The following PPL variants were observed in gnomAD, a reference collection of about 807,000 sequenced individuals.
The protein encoded by PPL is 190 kDa paraneoplastic pemphigus antigen.
A neutral mutation model predicts 194.4 loss-of-function variants in PPL; 198 were observed. The ratio of observed to expected loss-of-function variants is 1.02; its 90% confidence interval spans 0.91 to 1.15. The LOEUF (loss-of-function observed/expected upper bound fraction) is 1.15. PPL is among the 50% of genes most tolerant of loss of function. The pLI is 0.00. For synonymous variants in PPL, 1,220 were observed against 972.4 expected (o/e 1.25, Z -4.74); for missense variants, 2,885 against 2,294.8 (o/e 1.26, Z -5.25).
At chr16:4,908,562 G>C (rs1596566093) in intron 2 of PPL, among the ~76,000 whole-genome samples, 2 of 148,972 alleles carry the variant, frequency 1.3e-5, no homozygotes, top group Admixed American at 1.3e-4. Flanking sequence ...GATTGAGGCA[G>C]GGTGTCCCTC....
rs759158330 is a variant in PPL at position 4,885,189 on chromosome 16, G to A, written c.3466C>T (p.Arg1156Ter). The change falls in exon 22 of 22, where the codon CGA (arginine) becomes TGA (stop). Residue 1156 changes from arginine (R) to a stop codon, truncating the protein, a stop_gained. Transcript: ENST00000345988. LOFTEE classifies it high-confidence loss of function. The surrounding 1 kb of genome is among the most constrained non-coding windows in gnomAD (Gnocchi z 6.3). ...ASQREKTELL[R>*]KIWALEEENA... ...TCCTCCTCCAAGGCCCATATCTTTC[G>A]GAGCAGCTCCGTCTTCTCCCTCTGG... The A allele has an allele frequency of 1.8e-5, 29 of 1,613,872 alleles. No homozygotes were observed. Among genetic ancestry groups the A allele is most frequent in the Non-Finnish European group, 2.2e-5 (26 of 1,180,030 alleles).
chr16:4,929,093 T>G (rs2089196270), intron 1 of PPL, among the ~76,000 whole-genome samples: 1 of 148,076 alleles, frequency 6.8e-6, no homozygotes, highest in South Asian at 2.2e-4. Context: ...TGAGCCTCAC[T>G]TGGAACGAGA....
rs144398049 is a variant in PPL at position 4,924,500 on chromosome 16, C to T, written c.62+12484G>A. ...ATGGGCGCTCAGAGCATCTTCCAGT[C>T]TCACTCGGTGCCTGGTACCCAGGGA... is the stretch of plus-strand genomic sequence containing the variant. On this transcript the variant is annotated intron_variant, in intron 1 of 21. Coordinates refer to ENST00000345988, the MANE Select transcript of PPL (RefSeq NM_002705.5). 6.7e-3 allele frequency among the ~76,000 whole-genome samples: 1,014 copies of T among 152,292 alleles called. 15 individuals carry two copies. The highest frequency in any genetic ancestry group is 0.023 in the African/African-American group (943 of 41,550).
In PPL at chr16:4,883,882, C is replaced by T. The variant is rs767694539; in HGVS notation, c.4773G>A (p.Thr1591=). Reference sequence around the variant, plus strand: ...TCATGTTCCGCAGGTCTCGTGTTTCCGTCGCTGCCATGTTGATTTCCGATT... The same window carrying T: ...TCATGTTCCGCAGGTCTCGTGTTTCTGTCGCTGCCATGTTGATTTCCGATT... ...RLQSEINMAA[T]ETRDLRNMTV... is the part of the protein sequence containing the mutation. The change falls in exon 22 of 22, where the codon ACG becomes ACA. Residue 1591 remains threonine, a synonymous_variant. Transcript: ENST00000345988. The surrounding 1 kb of genome is among the most constrained non-coding windows in gnomAD (Gnocchi z 4.8). 9.7e-5 allele frequency: 157 copies of T among 1,613,842 alleles called. No homozygotes were observed. The highest frequency in any genetic ancestry group is 1.2e-4 in the Non-Finnish European group (137 of 1,180,044).
intron 6 of PPL, among the ~76,000 whole-genome samples, chr16:4,900,034 T>A (rs2088527443): frequency 6.6e-6 from 1 of 152,120 alleles, no homozygotes; most frequent in Non-Finnish European, 1.5e-5. Flanking sequence ...ATGAGGAAAC[T>A]GAGGCTCCCG....
At chr16:4,888,075 C>A in intron 20 of PPL, 27 bp downstream of exon 20, 1 of 1,565,696 alleles carries the variant, frequency 6.4e-7, no homozygotes, top group African/African-American at 1.3e-5. Flanking sequence ...ACCTCAGTCC[C>A]GAGGCCGCCT....
At chr16:4,930,965 G>A (rs1270320601) in intron 1 of PPL, among the ~76,000 whole-genome samples, 1 of 152,204 alleles carries the variant, frequency 6.6e-6, no homozygotes, top group Non-Finnish European at 1.5e-5. Flanking sequence ...TGGCTGCCAT[G>A]GGGAGAAGGG....
Position 4,883,248 on chromosome 16 carries a change from T to C in PPL, c.*136A>G, listed in dbSNP as rs1160295555. On this transcript the variant is annotated 3_prime_UTR_variant, in exon 22 of 22. Coordinates refer to ENST00000345988, the MANE Select transcript of PPL (RefSeq NM_002705.5). This position sits in a 1 kb window ranked among gnomAD's most constrained non-coding sequence, Gnocchi z 4.8. ...CCTGTCTCATATGTGGGCGGGACTC[T>C]GAGCAGCCTGGCAGCGAGGGTATGT... 19 of 1,248,522 alleles carry C rather than the reference T, an allele frequency of 1.5e-5. No homozygotes were observed. The East Asian group carries it at 4.2e-4, about 28-fold the overall frequency. 77.3% of individuals were successfully genotyped at this position (1,248,522 alleles called of 1,614,324 possible).
At chr16:4,931,386 T>TA (rs1426729019) in intron 1 of PPL, among the ~76,000 whole-genome samples, 8 of 151,446 alleles carry the variant, frequency 5.3e-5, no homozygotes, top group East Asian at 2.0e-4. Flanking sequence ...AAAGAACACT[T>TA]AAAAAAAATA....
intron 1 of PPL, among the ~76,000 whole-genome samples, chr16:4,931,687 T>G (rs8060402): frequency 6.6e-6 from 1 of 152,106 alleles, no homozygotes; most frequent in East Asian, 1.9e-4. Context: ...ACGAGGAGCT[T>G]TGGAAGCTCT....
intron 2 of PPL, among the ~76,000 whole-genome samples, chr16:4,908,595 T>C (rs374047479): frequency 2.6e-5 from 4 of 152,164 alleles, no homozygotes; most frequent in South Asian, 2.1e-4. Flanking sequence ...TGGAGTGCAG[T>C]GGTGTCATCT....
Position 4,895,596 on chromosome 16 carries a change from C to G in PPL, c.1093G>C (p.Asp365His). 1 of 1,613,910 alleles carries G rather than the reference C, an allele frequency of 6.2e-7. No homozygotes were observed. Among genetic ancestry groups the G allele is most frequent in the Non-Finnish European group, 8.5e-7 (1 of 1,180,014 alleles). The stretch of plus-strand genomic sequence containing the variant: ...AGGGGTCCTGGGCCATCGCTCACAT[C>G]CAGCTCCCGCAGCAGCAGCTCAATC... ...YQIELLLREL[D>H]DQEKVLDKYE... The change falls in exon 10 of 22, where the codon GAT (aspartate) becomes CAT (histidine). Residue 365 changes from aspartate (D) to histidine (H), a missense_variant and splice_region_variant. Coordinates refer to ENST00000345988, the MANE Select transcript of PPL (RefSeq NM_002705.5).
At chr16:4,924,837 C>T (rs2089126306) in intron 1 of PPL, among the ~76,000 whole-genome samples, 1 of 152,218 alleles carries the variant, frequency 6.6e-6, no homozygotes. Flanking sequence ...GCTGCGAGAG[C>T]AGCCACCCCG....
chr16:4,909,165 G>C (rs2088767759), intron 2 of PPL, among the ~76,000 whole-genome samples: 1 of 152,122 alleles, frequency 6.6e-6, no homozygotes, highest in South Asian at 2.1e-4. Context: ...CCCTGCAGGG[G>C]ATAGCTGGTG....
chr16:4,886,668 G>T (rs563317026), intron 21 of PPL, among the ~76,000 whole-genome samples: 19 of 152,196 alleles, frequency 1.2e-4, no homozygotes, highest in African/African-American at 4.6e-4. Context: ...GCCCAGGCTG[G>T]AGTGCAGTGG....
chr16:4,936,645 C>A (rs1304100735), intron 1 of PPL, among the ~76,000 whole-genome samples: 2 of 152,206 alleles, frequency 1.3e-5, no homozygotes, highest in Admixed American at 1.3e-4. Context: ...TCCTGTGCGA[C>A]CCTCTGCGCA....
chr16:4,892,393 G>A (rs189924411), intron 14 of PPL, among the ~76,000 whole-genome samples, 180 bp from the exon 15 acceptor site: 9 of 152,308 alleles, frequency 5.9e-5, no homozygotes, highest in Non-Finnish European at 8.8e-5. Flanking sequence ...TATTTTTCAC[G>A]AGCATCCCAG....
At position 4,899,049 on chromosome 16, in the gene PPL, C is replaced by T. The variant is rs1274384351; in HGVS notation, c.840G>A (p.Leu280=). Residue 280 remains leucine, a synonymous_variant, in exon 8 of 22, where the codon CTG becomes CTA. Transcript: ENST00000345988. ...INKLHSEGDQ[L]LAAEHPGRNS... Reference sequence around the variant, plus strand: ...TCCTCCCGGGGTGCTCGGCCGCCAGCAGCTGGTCGCCCTCGCTGTGCAGTT... The same window carrying T: ...TCCTCCCGGGGTGCTCGGCCGCCAGTAGCTGGTCGCCCTCGCTGTGCAGTT... 1.9e-6 allele frequency: 3 copies of T among 1,612,818 alleles called. No individual in the cohort carries two copies. The African/African-American group carries it at 4.0e-5, about 22-fold the overall frequency.
At chr16:4,926,818 G>A (rs2089161910) in intron 1 of PPL, among the ~76,000 whole-genome samples, 1 of 142,116 alleles carries the variant, frequency 7.0e-6, no homozygotes, top group Admixed American at 7.5e-5. Flanking sequence ...GGCAGAACTT[G>A]CAGTGAGCTG....
Sources: allele counts gnomAD v4.1 joint callset (sites outside exome capture counted in the v4.1 genomes callset), GRCh38; gene constraint gnomAD v4.1.1; non-coding constraint Gnocchi (gnomAD v3.1); transcripts MANE v1.5; gene names NCBI Gene and HGNC (gene_info 2026-07-23, HGNC 2026-07-21).